INPP4B: variants seen among roughly 807,000 people sequenced by gnomAD.
INPP4B encodes the protein inositol polyphosphate-4-phosphatase type II B.
A neutral mutation model predicts 122.5 loss-of-function variants in INPP4B; 55 were observed. The observed-to-expected ratio is 0.45, with a 90% confidence interval of 0.36 to 0.56. INPP4B has a LOEUF of 0.56. Ranked by LOEUF, INPP4B falls within the 20% of genes least tolerant of loss-of-function variation. The pLI is 0.00. For synonymous variants in INPP4B, 403 were observed against 388.7 expected (o/e 1.04, Z -0.43); for missense variants, 1,000 against 1,097.7 (o/e 0.91, Z 1.26).
chr4:142,484,786 CTG>C (rs1821007798), intron 2 of INPP4B, among the ~76,000 whole-genome samples: 1 of 151,932 alleles, frequency 6.6e-6, no homozygotes, highest in Non-Finnish European at 1.5e-5. Context: ...CGACAGGTCC[CTG>C]TGTGTGTTAT....
chr4:142,627,727 G>A (rs1746815107), intron 2 of INPP4B, among the ~76,000 whole-genome samples: 1 of 151,916 alleles, frequency 6.6e-6, no homozygotes, highest in Admixed American at 6.6e-5. Flanking sequence ...TTTTGGTTGT[G>A]TCTCTGCCCA....
chr4:142,618,180 G>A (rs950565107), intron 2 of INPP4B, among the ~76,000 whole-genome samples: 8 of 151,630 alleles, frequency 5.3e-5, no homozygotes, highest in African/African-American at 1.5e-4. Flanking sequence ...CAGATTCAAT[G>A]CAATACCTAT....
chr4:142,266,827 C>G (rs1057022369), intron 10 of INPP4B, among the ~76,000 whole-genome samples: 1 of 150,030 alleles, frequency 6.7e-6, no homozygotes, highest in African/African-American at 2.5e-5. Flanking sequence ...ATGACACAAC[C>G]AAAAGAAAAA....
intron 2 of INPP4B, among the ~76,000 whole-genome samples, chr4:142,586,866 G>C (rs531593199): frequency 6.6e-6 from 1 of 152,248 alleles, no homozygotes; most frequent in South Asian, 2.1e-4. Context: ...GCAAGTGAGT[G>C]TTACAAGTAA....
intron 2 of INPP4B, among the ~76,000 whole-genome samples, chr4:142,572,528 C>T (rs1435896230): frequency 6.6e-6 from 1 of 151,986 alleles, no homozygotes; most frequent in Admixed American, 6.6e-5. Context: ...GAGAAATTTG[C>T]ATGTTATTAT....
intron 1 of INPP4B, among the ~76,000 whole-genome samples, chr4:142,749,418 G>A (rs185606275): frequency 6.7e-6 from 1 of 149,596 alleles, no homozygotes; most frequent in African/African-American, 2.5e-5. Context: ...TAACAATATG[G>A]TCTTCAAAAG....
At chr4:142,117,675 A>G (rs1794350340) in intron 21 of INPP4B, among the ~76,000 whole-genome samples, 1 of 152,194 alleles carries the variant, frequency 6.6e-6, no homozygotes, top group Non-Finnish European at 1.5e-5. Flanking sequence ...AAATAATAAG[A>G]TCTATCTATG....
intron 2 of INPP4B, among the ~76,000 whole-genome samples, chr4:142,547,140 T>TG (rs1829732944): frequency 6.6e-6 from 1 of 151,854 alleles, no homozygotes; most frequent in Non-Finnish European, 1.5e-5. Context: ...CTTTTTTTTT[T>TG]TTTTACTTTC....
At chr4:142,232,510 ATGT>A (rs1561554970) in intron 12 of INPP4B, among the ~76,000 whole-genome samples, 3 of 152,120 alleles carry the variant, frequency 2.0e-5, no homozygotes, top group South Asian at 4.1e-4. Context: ...TAGTCAATAA[ATGT>A]TGTGTGTTCA....
At chr4:142,390,954 G>A (rs890698708) in intron 7 of INPP4B, among the ~76,000 whole-genome samples, 2 of 152,054 alleles carry the variant, frequency 1.3e-5, no homozygotes, top group African/African-American at 4.8e-5. Flanking sequence ...CTTCAATACA[G>A]GTTTCTAGTA....
intron 25 of INPP4B, among the ~76,000 whole-genome samples, chr4:142,042,038 A>C (rs1747952577): frequency 2.6e-5 from 4 of 152,058 alleles, no homozygotes; most frequent in African/African-American, 9.7e-5. Flanking sequence ...ATGCTTTTGT[A>C]TTCTCTATAC....
intron 16 of INPP4B, among the ~76,000 whole-genome samples, chr4:142,171,202 C>T (rs1396681258): frequency 1.3e-5 from 2 of 151,728 alleles, no homozygotes; most frequent in Non-Finnish European, 2.9e-5. Flanking sequence ...TCAGTCTTCC[C>T]CAGGGGCCCC....
Position 142,487,045 on chromosome 4 carries a change from A to G in INPP4B, c.-190-24319T>C, listed in dbSNP as rs765910619. On this transcript the variant is annotated intron_variant, in intron 2 of 25. Coordinates refer to ENST00000262992, the MANE Select transcript of INPP4B (RefSeq NM_001101669.3). The stretch of plus-strand genomic sequence containing the variant: ...TTTGGGAGGGACCCGGTGAAAGAAG[A>G]TTGAATCACGGGGGTGGGTCTTTCC... Among the ~76,000 whole-genome samples, 94 of 152,120 alleles carry G rather than the reference A, an allele frequency of 6.2e-4. 2 individuals are homozygous for G. Among genetic ancestry groups the G allele is most frequent in the Admixed American group, 2.6e-4 (4 of 15,260 alleles).
rs531554224 is a variant in INPP4B, at chr4:142,697,535, A to G, written c.-191+28304T>C. On this transcript the variant is annotated intron_variant, in intron 2 of 25. Transcript: ENST00000262992. ...ATCCAATTACATAAAACTGTCAATCAATCTTAATCAAACAAGATTTGGACA... is the reference window on the plus strand; with the variant it reads ...ATCCAATTACATAAAACTGTCAATCGATCTTAATCAAACAAGATTTGGACA... 3.9e-5 allele frequency among the ~76,000 whole-genome samples: 6 copies of G among 152,344 alleles called. No homozygotes were observed. In the South Asian group the frequency reaches 1.2e-3, roughly 32 times the overall value.
chr4:142,398,071 G>T (rs1799928619), intron 7 of INPP4B, among the ~76,000 whole-genome samples: 1 of 151,218 alleles, frequency 6.6e-6, no homozygotes, highest in South Asian at 2.1e-4. Flanking sequence ...GAGTTTTATG[G>T]AGATTAAAAA....
chr4:142,784,868 C>T (rs1281967209), intron 1 of INPP4B, among the ~76,000 whole-genome samples: 3 of 151,956 alleles, frequency 2.0e-5, no homozygotes, highest in Non-Finnish European at 4.4e-5. Flanking sequence ...GGTCATTATT[C>T]AAAAACAGCC....
intron 3 of INPP4B, among the ~76,000 whole-genome samples, chr4:142,462,442 G>T (rs753138923): frequency 3.9e-5 from 6 of 151,924 alleles, no homozygotes; most frequent in Admixed American, 6.6e-5. Context: ...TTCTGCCTAG[G>T]CTAGGCCTGG....
chr4:142,409,012 G>T (rs752485843), intron 5 of INPP4B, among the ~76,000 whole-genome samples: 1 of 152,064 alleles, frequency 6.6e-6, no homozygotes, highest in Non-Finnish European at 1.5e-5. Context: ...AAAAAATAAA[G>T]AGCAATAAGT....
chr4:142,146,030 G>C (rs762281635), intron 17 of INPP4B, 34 bp from the exon 18 acceptor site: 1 of 1,581,630 alleles, frequency 6.3e-7, no homozygotes, highest in Non-Finnish European at 8.6e-7. Context: ...ACATATTTTT[G>C]TCACAAAAAC....
Sources: gnomAD v4.1 joint callset for allele counts (sites outside exome capture counted in the v4.1 genomes callset) on GRCh38, gnomAD v4.1.1 for gene constraint, MANE v1.5 for transcripts, NCBI Gene and HGNC (gene_info 2026-07-23, HGNC 2026-07-21) for gene names.